Variants in RB1CC1 observed in about 807,000 individuals in gnomAD.
The protein encoded by RB1CC1 is RB1 inducible coiled-coil 1.
In RB1CC1, 46 loss-of-function variants were observed where a neutral mutation model predicts 177.5. That is an observed-to-expected ratio of 0.26 (90% CI 0.20 to 0.33). The LOEUF is 0.33. Among genes scored for constraint, RB1CC1 ranks in the 10% least tolerant of loss-of-function variants. The pLI, the probability that RB1CC1 is intolerant of heterozygous loss-of-function variation, is 1.00. For synonymous variants in RB1CC1, 666 were observed against 613.6 expected (o/e 1.09, Z -1.26); for missense variants, 1,703 against 1,816.3 (o/e 0.94, Z 1.13).
chr8:52,638,378 T>C (rs1849313742), intron 18 of RB1CC1, among the ~76,000 whole-genome samples: 1 of 152,200 alleles, frequency 6.6e-6, no homozygotes, highest in Non-Finnish European at 1.5e-5. Flanking sequence ...TCTATTAGTA[T>C]TTTGCCGATA....
At chr8:52,642,186 A>G (rs1163329693) in intron 18 of RB1CC1, among the ~76,000 whole-genome samples, 165 bp downstream of exon 18, 1 of 152,198 alleles carries the variant, frequency 6.6e-6, no homozygotes, top group Non-Finnish European at 1.5e-5. Flanking sequence ...TAATTCATTC[A>G]GTAATGTTTT....
intron 15 of RB1CC1, among the ~76,000 whole-genome samples, chr8:52,646,259 T>C (rs906146986): frequency 1.3e-5 from 2 of 152,008 alleles, no homozygotes; most frequent in African/African-American, 4.8e-5. Flanking sequence ...GTCCAAGAGT[T>C]TGAGATCAGC....
chr8:52,714,036 CAGATGGG>C (rs1026688491), intron 1 of RB1CC1, 32 bp downstream of exon 1: 9 of 339,050 alleles, frequency 2.7e-5, no homozygotes, highest in African/African-American at 2.0e-4. Context: ...ACCGCTGTGC[CAGATGGG>C]GGAAGGGGAC....
Position 52,645,723 on chromosome 8 carries a change from T to A in RB1CC1, c.3966A>T (p.Thr1322=). Residue 1322 remains threonine (T), a synonymous_variant, in exon 16 of 24, where the codon ACA becomes ACT. Transcript: ENST00000025008. The part of the protein sequence containing the change: ...RKNEEMQNVR[T]SLIAEQQTNF... ...AGACCTGTTGTTCCGCAATCAAAGA[T>A]GTTCGAACATTTTGCATTTCTTCAT... The A allele has an allele frequency of 1.9e-6, 3 of 1,613,032 alleles. No homozygotes were observed.
At chr8:52,641,716 ATC>A (rs957478095) in intron 18 of RB1CC1, among the ~76,000 whole-genome samples, 1 of 152,102 alleles carries the variant, frequency 6.6e-6, no homozygotes, top group Non-Finnish European at 1.5e-5. Flanking sequence ...TGCCCTTGGA[ATC>A]TCAGTTCCCA....
intron 19 of RB1CC1, among the ~76,000 whole-genome samples, chr8:52,635,433 GA>G (rs1849060145): frequency 3.3e-5 from 5 of 151,902 alleles, no homozygotes; most frequent in Admixed American, 3.3e-4. Flanking sequence ...CACTTGTAAA[GA>G]AAAAAAGGCA....
At chr8:52,626,544 G>A (rs1202014772) in intron 22 of RB1CC1, among the ~76,000 whole-genome samples, 2 of 151,884 alleles carry the variant, frequency 1.3e-5, no homozygotes, top group African/African-American at 4.8e-5. Context: ...GATGAATCTG[G>A]GTAAAGAAAT....
intron 1 of RB1CC1, among the ~76,000 whole-genome samples, chr8:52,703,892 A>C (rs1856322218): frequency 6.6e-6 from 1 of 152,132 alleles, no homozygotes; most frequent in South Asian, 2.1e-4. Context: ...CAAAACTGAA[A>C]TCAGAAAGTT....
chr8:52,700,026 C>T (rs1855904852), intron 1 of RB1CC1, among the ~76,000 whole-genome samples: 1 of 151,632 alleles, frequency 6.6e-6, no homozygotes, highest in Non-Finnish European at 1.5e-5. Context: ...CCTACTGGCA[C>T]AATGCCTATA....
Position 52,679,969 on chromosome 8 carries a change from T to C in RB1CC1, c.370-3398A>G, listed in dbSNP as rs534180554. On this transcript the variant is annotated intron_variant, in intron 5 of 23. Transcript: ENST00000025008. ...CATCTCCATCCCTCTCTTACACATA[T>C]AGATTCTGCTTCTAACTGGGGATCC... is the stretch of plus-strand genomic sequence containing the variant. Among the ~76,000 whole-genome samples the C allele has an allele frequency of 1.7e-3, 255 of 152,284 alleles. 1 individual carries two copies. In the Middle Eastern group the frequency reaches 0.031, roughly 18 times the overall value.
intron 16 of RB1CC1, among the ~76,000 whole-genome samples, chr8:52,644,998 G>A (rs746298268): frequency 2.6e-4 from 39 of 152,128 alleles, no homozygotes; most frequent in Admixed American, 5.2e-4. Flanking sequence ...GTTCCAGTGG[G>A]TGATCTTCAT....
chr8:52,710,131 G>A (rs935863664), intron 1 of RB1CC1, among the ~76,000 whole-genome samples: 3 of 152,084 alleles, frequency 2.0e-5, no homozygotes, highest in Admixed American at 6.6e-5. Flanking sequence ...GGTTGCCCAG[G>A]GACTGAAAAC....
chr8:52,707,910 CTCAGG>C, intron 1 of RB1CC1, among the ~76,000 whole-genome samples: 1 of 152,268 alleles, frequency 6.6e-6, no homozygotes. Context: ...CTCACTGAGG[CTCAGG>C]TAACCTCCAC....
At chr8:52,660,093 T>C (rs1851476905) in intron 12 of RB1CC1, among the ~76,000 whole-genome samples, 1 of 152,212 alleles carries the variant, frequency 6.6e-6, no homozygotes, top group African/African-American at 2.4e-5. Flanking sequence ...TGTAATACAA[T>C]TAATGACCCC....
chr8:52,698,181 A>ATCC (rs1463949538), intron 1 of RB1CC1, among the ~76,000 whole-genome samples: 18 of 152,214 alleles, frequency 1.2e-4, no homozygotes, highest in African/African-American at 1.7e-4. Flanking sequence ...GGCTCAAGCA[A>ATCC]TCCTCCCACT....
chr8:52,636,051 C>A lies in RB1CC1; in HGVS notation c.4356G>T (p.Leu1452Phe), dbSNP rs1161913558. ...GCATTATCCGCTGTTTTTCTTCAGA[C>A]AACATATGAATATTTTCTCTAAAAG... ...MMSVQENIHMLSEEKQRIMLL... is the reference protein window; with the variant it reads ...MMSVQENIHMFSEEKQRIMLL... The change falls in exon 19 of 24, where the codon TTG (leucine) becomes TTT (phenylalanine). Residue 1452 changes from leucine (L) to phenylalanine (F), a missense_variant. Physicochemically the swap from Leu to Phe is conservative, Grantham distance 22. Transcript: ENST00000025008. The A allele has an allele frequency of 6.2e-7, 1 of 1,606,492 alleles. No homozygotes were observed. The highest frequency in any genetic ancestry group is 8.5e-7 in the Non-Finnish European group (1 of 1,177,882).
At chr8:52,634,814 A>G in intron 20 of RB1CC1, 107 bp downstream of exon 20, 2 of 953,014 alleles carry the variant, frequency 2.1e-6, no homozygotes, top group Middle Eastern at 3.3e-4. Flanking sequence ...CCTACTATAG[A>G]TAAGTCAATC....
At chr8:52,645,946 T>A in intron 15 of RB1CC1, 79 bp from the exon 16 acceptor site, 1 of 1,347,690 alleles carries the variant, frequency 7.4e-7, no homozygotes, top group East Asian at 2.3e-5. Flanking sequence ...TTTGGGAAAT[T>A]TATCTTCCTT....
chr8:52,646,382 G>A (rs1305894121), intron 15 of RB1CC1, among the ~76,000 whole-genome samples: 1 of 152,114 alleles, frequency 6.6e-6, no homozygotes, highest in African/African-American at 2.4e-5. Flanking sequence ...CTTGAGCCCA[G>A]AAGTTCAAAT....
Sources: gnomAD v4.1 joint callset for allele counts (sites outside exome capture counted in the v4.1 genomes callset) on GRCh38, gnomAD v4.1.1 for gene constraint, MANE v1.5 for transcripts, NCBI Gene and HGNC (gene_info 2026-07-23, HGNC 2026-07-21) for gene names.